Variants in TBC1D1 observed in about 807,000 individuals in gnomAD.
The protein encoded by TBC1D1 is TBC1 (tre-2/USP6, BUB2, cdc16) domain family, member 1.
TBC1D1 carries 89 observed loss-of-function variants against 125.6 expected under a neutral mutation model. That is an observed-to-expected ratio of 0.71 (90% CI 0.60 to 0.85). TBC1D1 has a LOEUF of 0.85. Among genes scored for constraint, TBC1D1 ranks in the 40% least tolerant of loss-of-function variants. The probability of loss-of-function intolerance (pLI) is 0.00; values close to 1 mark genes in which losing one functional copy is unlikely to be tolerated. For synonymous variants in TBC1D1, 565 were observed against 564.1 expected (o/e 1.00, Z -0.02); for missense variants, 1,377 against 1,469.2 (o/e 0.94, Z 1.03).
intron 2 of TBC1D1, among the ~76,000 whole-genome samples, chr4:37,953,311 T>C (rs1728266437): frequency 6.6e-6 from 1 of 152,222 alleles, no homozygotes; most frequent in Non-Finnish European, 1.5e-5. Flanking sequence ...GCTCAGTTTT[T>C]AACTGACAAA....
chr4:38,060,741 T>G (rs1752606727), intron 12 of TBC1D1: 1 of 920,406 alleles, frequency 1.1e-6, no homozygotes, highest in African/African-American at 1.7e-5. Context: ...AGATCATGGT[T>G]TAGAGCGGTG....
chr4:37,918,069 G>C (rs1364757129), intron 2 of TBC1D1, among the ~76,000 whole-genome samples: 1 of 152,140 alleles, frequency 6.6e-6, no homozygotes, highest in Non-Finnish European at 1.5e-5. Flanking sequence ...GCATGCTTTA[G>C]AGGGATTCAC....
chr4:38,084,653 A>G (rs779563063), intron 12 of TBC1D1, among the ~76,000 whole-genome samples: 2 of 152,034 alleles, frequency 1.3e-5, no homozygotes, highest in African/African-American at 4.8e-5. Context: ...TTAATGTTCA[A>G]TTTTCTCCTT....
At chr4:38,065,732 A>C (rs182099755) in intron 12 of TBC1D1, among the ~76,000 whole-genome samples, 1 of 141,986 alleles carries the variant, frequency 7.0e-6, no homozygotes, top group Non-Finnish European at 1.5e-5. Context: ...TGCAACCTCT[A>C]CCTCCCAGGT....
chr4:38,025,157 C>G (rs150896884), intron 6 of TBC1D1, among the ~76,000 whole-genome samples: 1 of 152,204 alleles, frequency 6.6e-6, no homozygotes, highest in African/African-American at 2.4e-5. Context: ...CATTCATCAC[C>G]GCTCTCTCTA....
intron 2 of TBC1D1, among the ~76,000 whole-genome samples, chr4:38,003,727 G>T (rs572870317): frequency 2.0e-5 from 3 of 152,164 alleles, no homozygotes; most frequent in African/African-American, 7.2e-5. Flanking sequence ...AGCTAGCCAG[G>T]CATGGTGGCA....
intron 3 of TBC1D1, 129 bp downstream of exon 3, chr4:38,015,102 T>C (rs1560622835): frequency 2.5e-6 from 2 of 796,510 alleles, no homozygotes; most frequent in Middle Eastern, 3.4e-4. Flanking sequence ...ATTTTCATGC[T>C]GAACAATTCT....
intron 15 of TBC1D1, among the ~76,000 whole-genome samples, chr4:38,106,993 A>T (rs896934347): frequency 7.1e-6 from 1 of 141,560 alleles, no homozygotes; most frequent in African/African-American, 2.6e-5. Context: ...CCCTTCTCTG[A>T]CAGTGCTGAC....
At chr4:38,027,397 C>T (rs150361878) in intron 6 of TBC1D1, among the ~76,000 whole-genome samples, 3 of 152,250 alleles carry the variant, frequency 2.0e-5, no homozygotes, top group African/African-American at 7.2e-5. Context: ...CTGAGGTGGG[C>T]GTGTTGCTTG....
At chr4:37,922,499 A>C (rs1721215284) in intron 2 of TBC1D1, among the ~76,000 whole-genome samples, 1 of 152,204 alleles carries the variant, frequency 6.6e-6, no homozygotes, top group Non-Finnish European at 1.5e-5. Flanking sequence ...CTGTGCCTTT[A>C]AGCCGTCCTG....
Position 37,977,160 on chromosome 4 carries a change from G to C in TBC1D1, c.418-37349G>C, listed in dbSNP as rs1050585402. 17 of 152,356 alleles carry C rather than the reference G, an allele frequency of 1.1e-4. No individual in the cohort carries two copies. The highest frequency in any genetic ancestry group is 3.8e-4 in the African/African-American group (16 of 41,574). The allele number at this position is 152,356 out of a possible 1,614,324, so 9.4% of individuals were successfully genotyped here. On this transcript the variant is annotated intron_variant, in intron 2 of 19. Transcript: ENST00000261439. The surrounding 1 kb of genome is among the most constrained non-coding windows in gnomAD (Gnocchi z 4.3). ...TGCGCAGCCCTGGGCATCTCGGAAG[G>C]GGGCGACCCCAGCATGTCCCAACTT...
intron 17 of TBC1D1, among the ~76,000 whole-genome samples, chr4:38,119,764 G>A (rs927238305): frequency 6.6e-6 from 1 of 152,206 alleles, no homozygotes; most frequent in Non-Finnish European, 1.5e-5. Flanking sequence ...AAATGGGGAG[G>A]AGGGAGCGCT....
At chr4:38,008,859 CAT>C (rs925858088) in intron 2 of TBC1D1, among the ~76,000 whole-genome samples, 12 of 152,208 alleles carry the variant, frequency 7.9e-5, no homozygotes, top group Non-Finnish European at 1.6e-4. Context: ...TTGGAAATCA[CAT>C]ATGCGTGAGC....
At chr4:37,919,346 T>TG (rs1553897572) in intron 2 of TBC1D1, among the ~76,000 whole-genome samples, 2 of 150,184 alleles carry the variant, frequency 1.3e-5, no homozygotes, top group Non-Finnish European at 3.0e-5. Flanking sequence ...TTTTGTTTTT[T>TG]TTTTTTTTTG....
chr4:37,923,021 T>A (rs1481765177), intron 2 of TBC1D1, among the ~76,000 whole-genome samples: 1 of 152,090 alleles, frequency 6.6e-6, no homozygotes, highest in Non-Finnish European at 1.5e-5. Flanking sequence ...GTTTGTTACA[T>A]AAGTATACAT....
intron 2 of TBC1D1, among the ~76,000 whole-genome samples, chr4:37,916,714 T>G (rs1719809426): frequency 6.6e-6 from 1 of 152,164 alleles, no homozygotes; most frequent in African/African-American, 2.4e-5. Flanking sequence ...ACTAGTCTTT[T>G]AACAACGGGA....
chr4:37,947,885 TA>T (rs771795001), intron 2 of TBC1D1, among the ~76,000 whole-genome samples: 261 of 143,288 alleles, frequency 1.8e-3, no homozygotes, highest in Middle Eastern at 3.6e-3. Flanking sequence ...CAGTTCATTG[TA>T]AAAAAAAAAA....
At chr4:38,081,444 C>G (rs1420700581) in intron 12 of TBC1D1, among the ~76,000 whole-genome samples, 1 of 152,130 alleles carries the variant, frequency 6.6e-6, no homozygotes, top group Non-Finnish European at 1.5e-5. Context: ...AGACGGTGAC[C>G]CCGGGCCTCC....
chr4:38,042,789 A>G (rs1748645614), intron 8 of TBC1D1, among the ~76,000 whole-genome samples: 1 of 152,232 alleles, frequency 6.6e-6, no homozygotes, highest in African/African-American at 2.4e-5. Context: ...ACTTGAACAA[A>G]GCCAGGTGGT....
Sources: allele counts gnomAD v4.1 joint callset (sites outside exome capture counted in the v4.1 genomes callset), GRCh38; gene constraint gnomAD v4.1.1; non-coding constraint Gnocchi (gnomAD v3.1); transcripts MANE v1.5; gene names NCBI Gene and HGNC (gene_info 2026-07-23, HGNC 2026-07-21).